Variants in ZCCHC14 observed in about 807,000 individuals in gnomAD.
The protein encoded by ZCCHC14 is zinc finger CCHC-type containing 14.
Under a neutral mutation model 85.0 loss-of-function variants are expected in ZCCHC14, and 16 were observed. The observed-to-expected ratio is 0.19, with a 90% CI of 0.13 to 0.29. The LOEUF is 0.29. Among genes scored for constraint, ZCCHC14 ranks in the 10% least tolerant of loss-of-function variants. The probability of loss-of-function intolerance (pLI) is 1.00; values close to 1 mark genes in which losing one functional copy is unlikely to be tolerated. For missense variants in ZCCHC14, 1,303 were observed against 1,443.5 expected, an observed-to-expected ratio of 0.90 and a Z score of 1.58; for synonymous variants, 775 against 630.7, an observed-to-expected ratio of 1.23 and a Z score of -3.43.
intron 2 of ZCCHC14, among the ~76,000 whole-genome samples, chr16:87,439,302 T>G (rs1910075970): frequency 6.6e-6 from 1 of 152,034 alleles, no homozygotes. Flanking sequence ...CCCAGCTAAT[T>G]TTTGTATTTT....
chr16:87,449,267 T>C (rs1910582257), intron 2 of ZCCHC14, among the ~76,000 whole-genome samples: 1 of 152,246 alleles, frequency 6.6e-6, no homozygotes, highest in Admixed American at 6.5e-5. Context: ...CCTTACATCC[T>C]TTCTCTAGAA....
Position 87,420,547 on chromosome 16 carries a change from C to A in ZCCHC14, c.950+60G>T. On this transcript the variant is annotated intron_variant, in intron 5 of 12. Transcript: ENST00000671377. This position sits in a 1 kb window ranked among gnomAD's most constrained non-coding sequence, Gnocchi z 5.0. The stretch of plus-strand genomic sequence containing the variant: ...CTCCTTGGAGGACCACAGCATTGAC[C>A]ACAGGACCAGCCTGTCCTTGCCAGC... The A allele has an allele frequency of 7.0e-7, 1 of 1,420,342 alleles. No homozygotes were observed. The highest frequency in any genetic ancestry group is 9.7e-7 in the Non-Finnish European group (1 of 1,032,552). The allele number at this position is 1,420,342 out of a possible 1,614,324, so 88.0% of individuals were successfully genotyped here.
At position 87,408,156 on chromosome 16, in the gene ZCCHC14, CT is replaced by C. The variant is rs1184276656; in HGVS notation, c.*2123del. 1 of 152,628 alleles carries C rather than the reference CT, an allele frequency of 6.6e-6. No individual in the cohort carries two copies. Among genetic ancestry groups the C allele is most frequent in the Non-Finnish European group, 1.5e-5 (1 of 68,052 alleles). The allele number at this position is 152,628 out of a possible 1,614,324, so 9.5% of individuals were successfully genotyped here. A position where few individuals can be genotyped will look rare whatever the true frequency, so the allele number is the denominator to read the frequency against. On this transcript the variant is annotated 3_prime_UTR_variant, in exon 13 of 13. Transcript: ENST00000671377. ...CTGGATTTAAGGTTAACCTCTAATA[CT>C]TATCAAAATAGTTACGTGGGTAACA...
At chr16:87,414,265 C>T (rs1417246734) in intron 10 of ZCCHC14, 149 bp downstream of exon 10, 13 of 1,405,936 alleles carry the variant, frequency 9.2e-6, no homozygotes, top group African/African-American at 1.4e-5. Context: ...ACGAGTAACC[C>T]ACCTGCCCGG....
At chr16:87,490,903 G>A (rs1912726173) in intron 1 of ZCCHC14, among the ~76,000 whole-genome samples, 1 of 152,176 alleles carries the variant, frequency 6.6e-6, no homozygotes, top group Non-Finnish European at 1.5e-5. Context: ...GCCATGTCCC[G>A]CGCCCAGGCC....
chr16:87,413,267 A>G (rs911480171), intron 10 of ZCCHC14, 72 bp from the exon 11 acceptor site: 106 of 1,448,178 alleles, frequency 7.3e-5, no homozygotes, highest in Admixed American at 1.9e-4. Context: ...GTGCCCCTGC[A>G]TCGCACTGTC....
At chr16:87,466,368 C>T (rs978230427) in intron 1 of ZCCHC14, among the ~76,000 whole-genome samples, 1 of 152,192 alleles carries the variant, frequency 6.6e-6, no homozygotes, top group African/African-American at 2.4e-5. Flanking sequence ...CTGACGGCAG[C>T]CTCGGTCTGC....
intron 1 of ZCCHC14, among the ~76,000 whole-genome samples, chr16:87,462,355 G>A (rs77314483): frequency 0.016 from 2,361 of 152,208 alleles, 54 homozygotes; most frequent in African/African-American, 0.053. Flanking sequence ...ATACAAGTAC[G>A]ATACAAATCT....
intron 1 of ZCCHC14, chr16:87,471,344 C>A (rs762034006): frequency 1.3e-5 from 2 of 152,148 alleles, no homozygotes; most frequent in African/African-American, 4.8e-5. Flanking sequence ...CTGACTTAGA[C>A]CAAGTGAAAG....
intron 2 of ZCCHC14, among the ~76,000 whole-genome samples, chr16:87,449,940 G>T (rs757055608): frequency 6.6e-6 from 1 of 152,228 alleles, no homozygotes; most frequent in South Asian, 2.1e-4. Context: ...AGTTACTGGG[G>T]AGGCTGAGGC....
intron 2 of ZCCHC14, among the ~76,000 whole-genome samples, chr16:87,453,183 C>T (rs969820483): frequency 4.6e-5 from 7 of 152,188 alleles, no homozygotes; most frequent in South Asian, 2.1e-4. Context: ...TGCTTGGGAG[C>T]GAGCAGCGCT....
At chr16:87,425,807 T>C (rs1322016904) in intron 3 of ZCCHC14, among the ~76,000 whole-genome samples, 4 of 152,146 alleles carry the variant, frequency 2.6e-5, no homozygotes, top group Non-Finnish European at 4.4e-5. Context: ...AAGCGTGTCA[T>C]AGAAAACGTC....
At chr16:87,436,593 G>C (rs939880494) in intron 2 of ZCCHC14, among the ~76,000 whole-genome samples, 3 of 152,244 alleles carry the variant, frequency 2.0e-5, no homozygotes, top group East Asian at 1.9e-4. Flanking sequence ...GGCTGATAGA[G>C]CAGCAGGATA....
chr16:87,468,767 C>G (rs1182951633), intron 1 of ZCCHC14, among the ~76,000 whole-genome samples: 1 of 152,190 alleles, frequency 6.6e-6, no homozygotes, highest in Non-Finnish European at 1.5e-5. Context: ...ATGCAGCCAA[C>G]GGAGACCAGC....
intron 2 of ZCCHC14, among the ~76,000 whole-genome samples, chr16:87,435,571 A>G (rs556142717): frequency 1.4e-3 from 220 of 152,296 alleles, no homozygotes; most frequent in African/African-American, 5.2e-3. Context: ...CGCTGAACCA[A>G]CCATCCTCGC....
intron 4 of ZCCHC14, among the ~76,000 whole-genome samples, chr16:87,423,393 A>G (rs893585624): frequency 1.3e-5 from 2 of 152,172 alleles, no homozygotes; most frequent in Non-Finnish European, 2.9e-5. Context: ...TAAAAAAATA[A>G]TAATAAAATA....
chr16:87,475,638 AC>A (rs1911972662), intron 1 of ZCCHC14, among the ~76,000 whole-genome samples: 1 of 152,060 alleles, frequency 6.6e-6, no homozygotes, highest in African/African-American at 2.4e-5. Context: ...ACGAGCTTTA[AC>A]AGCAGACTGG....
At chr16:87,440,093 C>T (rs1264069639) in intron 2 of ZCCHC14, among the ~76,000 whole-genome samples, 1 of 152,190 alleles carries the variant, frequency 6.6e-6, no homozygotes, top group Non-Finnish European at 1.5e-5. Context: ...AGGTGAAAGC[C>T]GCTGTGCCCG....
chr16:87,453,559 C>T (rs1910810872), intron 2 of ZCCHC14, among the ~76,000 whole-genome samples: 1 of 152,238 alleles, frequency 6.6e-6, no homozygotes. Context: ...CCGCCACACA[C>T]CTGGCTGCCC....
Sources: gnomAD v4.1 joint callset for allele counts (sites outside exome capture counted in the v4.1 genomes callset) on GRCh38, gnomAD v4.1.1 for gene constraint, Gnocchi (gnomAD v3.1) non-coding constraint, MANE v1.5 for transcripts, NCBI Gene and HGNC (gene_info 2026-07-23, HGNC 2026-07-21) for gene names.